ZBTB7C: variants seen among roughly 807,000 people sequenced by gnomAD.
ZBTB7C encodes the protein zinc finger and BTB domain containing 7C.
In ZBTB7C, 8 loss-of-function variants were observed where a neutral mutation model predicts 25.7. The observed-to-expected ratio is 0.31, with a 90% CI of 0.18 to 0.56. ZBTB7C has a LOEUF of 0.56. ZBTB7C is among the 20% of genes least tolerant of loss of function. The pLI is 0.91. For synonymous variants in ZBTB7C, 394 were observed against 369.0 expected (o/e 1.07, Z -0.78); for missense variants, 824 against 855.2 (o/e 0.96, Z 0.46).
intron 2 of ZBTB7C, among the ~76,000 whole-genome samples, chr18:48,241,961 CAAGAA>C (rs1370694534): frequency 6.6e-6 from 1 of 151,730 alleles, no homozygotes; most frequent in African/African-American, 2.4e-5. Context: ...CAAGATTAAC[CAAGAA>C]AAGAAGAGAG....
chr18:48,154,738 C>A (rs201187254), intron 3 of ZBTB7C, among the ~76,000 whole-genome samples: 1 of 152,172 alleles, frequency 6.6e-6, no homozygotes, highest in Non-Finnish European at 1.5e-5. Flanking sequence ...ATAATGCACT[C>A]GCCCTCACCC....
At chr18:48,090,349 C>A (rs1034263975) in intron 3 of ZBTB7C, among the ~76,000 whole-genome samples, 1 of 152,198 alleles carries the variant, frequency 6.6e-6, no homozygotes, top group Non-Finnish European at 1.5e-5. Context: ...GGGTTCCAAT[C>A]GCTATCAAAG....
chr18:48,294,532 G>A (rs148140537), intron 2 of ZBTB7C, among the ~76,000 whole-genome samples: 105 of 152,234 alleles, frequency 6.9e-4, no homozygotes, highest in Non-Finnish European at 1.1e-3. Context: ...TACAATGCTG[G>A]GTGCAGCCCA....
chr18:48,155,417 C>T (rs1568262857), intron 3 of ZBTB7C, among the ~76,000 whole-genome samples: 2 of 149,760 alleles, frequency 1.3e-5, no homozygotes, highest in Non-Finnish European at 3.0e-5. Context: ...AAGCTCCGCC[C>T]CCCGGGTTCA....
At chr18:48,192,337 G>C (rs1237476128) in intron 2 of ZBTB7C, among the ~76,000 whole-genome samples, 6 of 152,182 alleles carry the variant, frequency 3.9e-5, no homozygotes, top group Non-Finnish European at 2.9e-5. Flanking sequence ...GAGTACAGAG[G>C]ATTTTTAAGG....
chr18:48,252,536 TGCAG>T (rs1435055274), intron 2 of ZBTB7C: 2 of 152,322 alleles, frequency 1.3e-5, no homozygotes, highest in Non-Finnish European at 2.9e-5. Context: ...CTTCACTTTC[TGCAG>T]GCACTGCTGG....
intron 1 of ZBTB7C, among the ~76,000 whole-genome samples, chr18:48,398,230 C>T (rs1247122381): frequency 6.6e-6 from 1 of 152,248 alleles, no homozygotes; most frequent in Non-Finnish European, 1.5e-5. Flanking sequence ...AGCCTTCTTC[C>T]ACACAGCAAG....
At chr18:48,295,441 C>T (rs901284945) in intron 2 of ZBTB7C, among the ~76,000 whole-genome samples, 56 of 152,148 alleles carry the variant, frequency 3.7e-4, no homozygotes, top group Non-Finnish European at 6.6e-4. Context: ...GTTTCCTCTG[C>T]GTCATGTGAG....
intron 3 of ZBTB7C, among the ~76,000 whole-genome samples, chr18:48,155,318 C>CTTTTTT (rs578058729): frequency 7.7e-5 from 6 of 78,040 alleles, no homozygotes; most frequent in Non-Finnish European, 1.4e-4. Flanking sequence ...CTGTAATATT[C>CTTTTTT]TTTTTTTTTT....
At chr18:48,125,556 C>T (rs2039772768) in intron 3 of ZBTB7C, among the ~76,000 whole-genome samples, 1 of 152,226 alleles carries the variant, frequency 6.6e-6, no homozygotes, top group Non-Finnish European at 1.5e-5. Flanking sequence ...CCCCAGACCA[C>T]AGCAGACAGG....
chr18:48,136,927 C>T lies in ZBTB7C; in HGVS notation c.-17+49007G>A, dbSNP rs141840754. The T allele has an allele frequency of 0.032, 30,759 of 963,804 alleles. 557 individuals carry two copies. The highest frequency in any genetic ancestry group is 0.082 in the Middle Eastern group (154 of 1,872). 59.7% of individuals were successfully genotyped at this position (963,804 alleles called of 1,614,324 possible). A position where few individuals can be genotyped will look rare whatever the true frequency, so the allele number is the denominator to read the frequency against. ...GCCCGGAAGGGCTTCCTCCCCCACC[C>T]CCTCCCCACGGCCCGGCCGCTGGGC... On this transcript the variant is annotated intron_variant, in intron 3 of 4. Transcript: ENST00000590800.
chr18:48,167,597 T>TGTGTGTGC (rs779870966), intron 3 of ZBTB7C, among the ~76,000 whole-genome samples: 5 of 148,042 alleles, frequency 3.4e-5, no homozygotes, highest in African/African-American at 1.2e-4. Flanking sequence ...TGTGTGTGTG[T>TGTGTGTGC]GCGCGCGTGC....
chr18:48,293,980 G>A (rs35244916), intron 2 of ZBTB7C, among the ~76,000 whole-genome samples: 21,952 of 152,192 alleles, frequency 0.14, 1,841 homozygotes, highest in Non-Finnish European at 0.18. Context: ...GATCAGGCCC[G>A]CTGTGGCCGT....
At chr18:48,345,266 G>A (rs945086804) in intron 1 of ZBTB7C, among the ~76,000 whole-genome samples, 15 of 152,198 alleles carry the variant, frequency 9.9e-5, no homozygotes, top group African/African-American at 3.6e-4. Flanking sequence ...GGCTGGGTTT[G>A]GAGCCCTTTC....
chr18:48,406,527 T>TA (rs1253061058), intron 1 of ZBTB7C, among the ~76,000 whole-genome samples: 2 of 152,126 alleles, frequency 1.3e-5, no homozygotes, highest in Non-Finnish European at 2.9e-5. Context: ...GCTGATGAGA[T>TA]TAGCATGCAA....
At chr18:48,366,449 T>A (rs2145129529) in intron 1 of ZBTB7C, among the ~76,000 whole-genome samples, 1 of 152,344 alleles carries the variant, frequency 6.6e-6, no homozygotes, top group East Asian at 1.9e-4. Context: ...CTGAGTTCAA[T>A]AATTTTAAAA....
chr18:48,194,710 A>G (rs8096699), intron 2 of ZBTB7C, among the ~76,000 whole-genome samples: 47,887 of 152,014 alleles, frequency 0.32, 7,688 homozygotes, highest in East Asian at 0.55. Context: ...CAGATGACAT[A>G]TGCAGAGAGG....
intron 4 of ZBTB7C, among the ~76,000 whole-genome samples, chr18:48,030,129 C>G (rs555935406): frequency 6.6e-6 from 1 of 152,156 alleles, no homozygotes; most frequent in South Asian, 2.1e-4. Context: ...AAGCAGTGTC[C>G]TGAAAGCCCC....
chr18:48,404,032 C>T (rs1034422874), intron 1 of ZBTB7C, among the ~76,000 whole-genome samples: 5 of 152,144 alleles, frequency 3.3e-5, no homozygotes, highest in Admixed American at 2.0e-4. Flanking sequence ...GCAGGCGGAT[C>T]GCCTGAGGTC....
Sources: gnomAD v4.1 joint callset for allele counts (sites outside exome capture counted in the v4.1 genomes callset) on GRCh38, gnomAD v4.1.1 for gene constraint, MANE v1.5 for transcripts, NCBI Gene and HGNC (gene_info 2026-07-23, HGNC 2026-07-21) for gene names.